PCDHGA6: variants seen among roughly 807,000 people sequenced by gnomAD.
PCDHGA6 encodes the protein protocadherin gamma-A6.
A neutral mutation model predicts 60.6 loss-of-function variants in PCDHGA6; 41 were observed. The ratio of observed to expected loss-of-function variants is 0.68; its 90% CI spans 0.53 to 0.88. The LOEUF (loss-of-function observed/expected upper bound fraction) is 0.88, where lower values mean the gene tolerates loss of function less well. PCDHGA6 is among the 40% of genes least tolerant of loss of function. The pLI is 0.00. For synonymous variants in PCDHGA6, 594 were observed against 524.4 expected, an observed-to-expected ratio of 1.13 and a Z score of -1.81; for missense variants, 1,312 against 1,203.0, an observed-to-expected ratio of 1.09 and a Z score of -1.34.
intron 1 of PCDHGA6, chr5:141,415,390 G>A (rs1191160575): frequency 1.2e-6 from 2 of 1,614,224 alleles, no homozygotes; most frequent in South Asian, 2.2e-5. Flanking sequence ...CTTGACAGGT[G>A]TGTCCGGCTC....
chr5:141,394,076 A>C (rs1329419086), intron 1 of PCDHGA6: 1 of 1,613,896 alleles, frequency 6.2e-7, no homozygotes, highest in Admixed American at 1.7e-5. Flanking sequence ...ACAATATCAC[A>C]GTGATGGCCT....
At chr5:141,454,131 G>A (rs754465889) in intron 1 of PCDHGA6, among the ~76,000 whole-genome samples, 2 of 152,334 alleles carry the variant, frequency 1.3e-5, no homozygotes, top group South Asian at 2.1e-4. Flanking sequence ...AGCTGACCAT[G>A]GGAATGTTCA....
intron 1 of PCDHGA6, among the ~76,000 whole-genome samples, chr5:141,473,661 G>T (rs935648567): frequency 2.6e-5 from 4 of 152,172 alleles, no homozygotes; most frequent in Non-Finnish European, 4.4e-5. Context: ...TTGTGTGAAG[G>T]CCCTGAGACA....
In PCDHGA6 at chr5:141,486,657, T is replaced by G. The variant is rs1171065175; in HGVS notation, c.2425-8150T>G. On this transcript the variant is annotated intron_variant, in intron 1 of 3. Transcript: ENST00000517434. The surrounding 1 kb of genome is among the most constrained non-coding windows in gnomAD (Gnocchi z 5.0). ...AATGCGCTTATCTCCTACTCACTCC[T>G]GGAGCCCAGGAATCGAGATGTATCA... 3 of 1,614,010 alleles carry G rather than the reference T, an allele frequency of 1.9e-6. No homozygotes were observed. Among genetic ancestry groups the G allele is most frequent in the Non-Finnish European group, 2.5e-6 (3 of 1,180,030 alleles).
At chr5:141,509,310 G>A (rs1223508453) in intron 3 of PCDHGA6, among the ~76,000 whole-genome samples, 2 of 152,174 alleles carry the variant, frequency 1.3e-5, no homozygotes, top group Non-Finnish European at 1.5e-5. Flanking sequence ...GAGGGAGGCT[G>A]GGAGAGAAGC....
At chr5:141,409,153 G>A in intron 1 of PCDHGA6, 1 of 1,614,026 alleles carries the variant, frequency 6.2e-7, no homozygotes. Context: ...GGTACACCAT[G>A]GAAGTGGAAG....
intron 1 of PCDHGA6, chr5:141,399,787 A>C (rs111395890): frequency 0.048 from 76,979 of 1,613,184 alleles, 1,998 homozygotes; most frequent in South Asian, 0.077. Flanking sequence ...CCGAAACGAC[A>C]ACGCACCGCG....
intron 1 of PCDHGA6, chr5:141,421,703 G>A: frequency 1.2e-6 from 2 of 1,613,946 alleles, no homozygotes; most frequent in Middle Eastern, 1.6e-4. Context: ...CCTAATGCTA[G>A]GGATCCAGAT....
chr5:141,412,219 C>T (rs549742411), intron 1 of PCDHGA6: 1 of 152,334 alleles, frequency 6.6e-6, no homozygotes, highest in African/African-American at 2.4e-5. Context: ...TAAACACTTA[C>T]TTGTTAAAAA....
intron 1 of PCDHGA6, chr5:141,422,397 C>A (rs753017439): frequency 6.3e-6 from 10 of 1,597,488 alleles, no homozygotes; most frequent in African/African-American, 2.7e-5. Context: ...TTCCTAACCA[C>A]CTGCCTTTTA....
At chr5:141,408,076 A>C in intron 1 of PCDHGA6, 1 of 1,399,800 alleles carries the variant, frequency 7.1e-7, no homozygotes. Flanking sequence ...GACCTTTCCC[A>C]GCACAGCGGA....
intron 1 of PCDHGA6, among the ~76,000 whole-genome samples, chr5:141,429,545 G>T (rs1200824675): frequency 6.6e-6 from 1 of 151,844 alleles, no homozygotes; most frequent in East Asian, 1.9e-4. Context: ...TAAGAACATG[G>T]TAATGATTTG....
intron 2 of PCDHGA6, among the ~76,000 whole-genome samples, chr5:141,495,912 CTT>C (rs1210428397): frequency 6.6e-6 from 1 of 152,140 alleles, no homozygotes; most frequent in Admixed American, 6.6e-5. Flanking sequence ...CTCTGTATAT[CTT>C]TCTTTGTCTC....
chr5:141,377,241 ATTTGTAAGGTTCTTTCTTT>A (rs1413175738), intron 1 of PCDHGA6: 3 of 151,708 alleles, frequency 2.0e-5, no homozygotes, highest in Non-Finnish European at 4.4e-5. Context: ...ACTATGTGAC[ATTTGTAAGGTTCTTTCTTT>A]TTCTAATGTG....
chr5:141,470,037 G>A lies in PCDHGA6; in HGVS notation c.2425-24770G>A, dbSNP rs76537989. Among the ~76,000 whole-genome samples the A allele has an allele frequency of 2.3e-3, 347 of 152,258 alleles. 6 individuals are homozygous for A. The East Asian group carries it at 0.048, about 21-fold the overall frequency. On this transcript the variant is annotated intron_variant, in intron 1 of 3. Transcript: ENST00000517434. ...CCAGCTACTCGGGATGCTGAGGCGC[G>A]AGAACTGTTTGAACCCCGGAGGCAG...
chr5:141,373,897 C>G lies in PCDHGA6; in HGVS notation c.-187C>G, dbSNP rs1379272131. 1 of 536,936 alleles carries G rather than the reference C, an allele frequency of 1.9e-6. No homozygotes were observed. The highest frequency in any genetic ancestry group is 3.1e-6 in the Non-Finnish European group (1 of 322,474). 33.3% of individuals were successfully genotyped at this position (536,936 alleles called of 1,614,324 possible). A position where few individuals can be genotyped will look rare whatever the true frequency, so the allele number is the denominator to read the frequency against. The stretch of plus-strand genomic sequence containing the variant: ...AGAAAATCAACGGAAACTCAAGTTA[C>G]ATCCTCCAACAACAAAGCAAATTAG... On this transcript the variant is annotated 5_prime_UTR_variant, in exon 1 of 4. Transcript: ENST00000517434.
chr5:141,402,973 C>G (rs779898665), intron 1 of PCDHGA6: 1 of 1,607,926 alleles, frequency 6.2e-7, no homozygotes. Context: ...CAACCAAATG[C>G]CAGCTCCGCG....
chr5:141,409,200 T>C, intron 1 of PCDHGA6: 2 of 1,614,020 alleles, frequency 1.2e-6, no homozygotes, highest in Non-Finnish European at 1.7e-6. Flanking sequence ...CAGTGTAAAG[T>C]AATCATAGAA....
chr5:141,423,489 T>C (rs764165685), intron 1 of PCDHGA6: 1 of 1,614,016 alleles, frequency 6.2e-7, no homozygotes, highest in South Asian at 1.1e-5. Context: ...TGCAAACCTA[T>C]TCCCACGAGG....
Sources: gnomAD v4.1 joint callset for allele counts (sites outside exome capture counted in the v4.1 genomes callset) on GRCh38, gnomAD v4.1.1 for gene constraint, Gnocchi (gnomAD v3.1) non-coding constraint, MANE v1.5 for transcripts, NCBI Gene and HGNC (gene_info 2026-07-23, HGNC 2026-07-21) for gene names.